Variants in SEPTIN10 observed in about 807,000 individuals in gnomAD.
SEPTIN10 encodes septin-10.
Under a neutral mutation model 54.8 loss-of-function variants are expected in SEPTIN10, and 66 were observed. That is an observed-to-expected ratio of 1.21 (90% CI 0.99 to 1.48). The LOEUF (loss-of-function observed/expected upper bound fraction) is 1.48. SEPTIN10 is among the 40% of genes most tolerant of loss of function. The pLI is 0.00. For missense variants in SEPTIN10, 620 were observed against 545.6 expected (o/e 1.14, Z -1.36); for synonymous variants, 161 against 181.0 (o/e 0.89, Z 0.89).
rs1383088259 is a variant in SEPTIN10 at position 109,544,173 on chromosome 2, A to C, written c.*136T>G. 6.3e-7 allele frequency: 1 copy of C among 1,582,074 alleles called. No homozygotes were observed. Among genetic ancestry groups the C allele is most frequent in the Non-Finnish European group, 8.6e-7 (1 of 1,164,528 alleles). ...CTTGTACTTGAAAGTACTTTTCCAT[A>C]AATATCAGTAACTGTGGCTGTTCAC... On this transcript the variant is annotated 3_prime_UTR_variant, in exon 11 of 11. Coordinates refer to ENST00000397712, the MANE Select transcript of SEPTIN10 (RefSeq NM_144710.5).
At chr2:109,591,204 G>T (rs547862688) in intron 2 of SEPTIN10, among the ~76,000 whole-genome samples, 4 of 152,252 alleles carry the variant, frequency 2.6e-5, no homozygotes, top group African/African-American at 9.6e-5. Context: ...GTTCAAGATG[G>T]TAAGAACTTC....
At chr2:109,568,780 G>A (rs567073381) in intron 5 of SEPTIN10, among the ~76,000 whole-genome samples, 4 of 152,182 alleles carry the variant, frequency 2.6e-5, no homozygotes, top group South Asian at 2.1e-4. Flanking sequence ...TTTGTGCCTC[G>A]TTTCAGGACT....
intron 8 of SEPTIN10, among the ~76,000 whole-genome samples, chr2:109,557,785 AT>A (rs1341768045): frequency 6.6e-6 from 1 of 152,200 alleles, no homozygotes; most frequent in Non-Finnish European, 1.5e-5. Context: ...TTAAATAAAA[AT>A]AAAAACATTT....
At chr2:109,560,427 T>C (rs1038934093) in intron 8 of SEPTIN10, among the ~76,000 whole-genome samples, 2 of 152,172 alleles carry the variant, frequency 1.3e-5, no homozygotes, top group Admixed American at 6.5e-5. Flanking sequence ...CTCTCCTATC[T>C]GCTCCTCCAG....
intron 1 of SEPTIN10, among the ~76,000 whole-genome samples, chr2:109,607,881 A>G (rs1698363197): frequency 6.6e-6 from 1 of 152,192 alleles, no homozygotes; most frequent in African/African-American, 2.4e-5. Context: ...GGAGGTATCT[A>G]TACTTTTATA....
intron 4 of SEPTIN10, among the ~76,000 whole-genome samples, chr2:109,581,620 T>C (rs1558814525): frequency 6.6e-6 from 1 of 152,126 alleles, no homozygotes; most frequent in Admixed American, 6.5e-5. Flanking sequence ...TTCCAACTGA[T>C]CTGTACCATT....
chr2:109,556,025 T>TTCA (rs1486297229), intron 8 of SEPTIN10, among the ~76,000 whole-genome samples: 1 of 152,214 alleles, frequency 6.6e-6, no homozygotes, highest in Non-Finnish European at 1.5e-5. Flanking sequence ...TGAAGCCTCA[T>TTCA]TCATCTCTGT....
intron 1 of SEPTIN10, chr2:109,605,622 T>C (rs915195384): frequency 1.3e-5 from 2 of 152,124 alleles, no homozygotes; most frequent in Non-Finnish European, 1.5e-5. Context: ...CTAAATAATA[T>C]CTGTATAATT....
At chr2:109,606,827 GCA>G (rs1698110702) in intron 1 of SEPTIN10, among the ~76,000 whole-genome samples, 1 of 151,696 alleles carries the variant, frequency 6.6e-6, no homozygotes, top group Non-Finnish European at 1.5e-5. Context: ...CTACAGGCAC[GCA>G]CCACTAGGCA....
chr2:109,557,855 T>TC lies in SEPTIN10; in HGVS notation c.1029-4637_1029-4636insG, dbSNP rs547763683. 2.4e-4 allele frequency among the ~76,000 whole-genome samples: 36 copies of TC among 151,668 alleles called. No homozygotes were observed. In the East Asian group the frequency reaches 6.6e-3, roughly 28 times the overall value. ...GTAGCTTGCTGTCATAATTTTCTTT[T>TC]TTTTTTTTTTTGAGACGGGGTCTCA... On this transcript the variant is annotated intron_variant, in intron 8 of 10. Coordinates refer to ENST00000397712, the MANE Select transcript of SEPTIN10 (RefSeq NM_144710.5).
chr2:109,546,024 C>G (rs778783306), intron 10 of SEPTIN10, 26 bp downstream of exon 10: 1 of 1,543,748 alleles, frequency 6.5e-7, no homozygotes, highest in Non-Finnish European at 8.7e-7. Flanking sequence ...GGCAGGGCTG[C>G]CAGGGAGGGT....
chr2:109,549,658 C>CT (rs1407173064), intron 9 of SEPTIN10, among the ~76,000 whole-genome samples: 1 of 152,096 alleles, frequency 6.6e-6, no homozygotes, highest in Admixed American at 6.5e-5. Context: ...TACGATAGTC[C>CT]CCCCTTTTCC....
chr2:109,593,389 A>G (rs1235628764), intron 1 of SEPTIN10, among the ~76,000 whole-genome samples: 2 of 151,258 alleles, frequency 1.3e-5, no homozygotes, highest in South Asian at 2.1e-4. Context: ...ACTTCCATTT[A>G]CAAGTAGAGA....
In SEPTIN10 at chr2:109,544,129, C is replaced by T. The variant is rs1278749797; in HGVS notation, c.*180G>A. On this transcript the variant is annotated 3_prime_UTR_variant, in exon 11 of 11. Coordinates refer to ENST00000397712, the MANE Select transcript of SEPTIN10 (RefSeq NM_144710.5). ...GATGCTCAACTTGTAGTATCATTCA[C>T]TCTGGCTTATGTATTGACCTTGTAC... The T allele has an allele frequency of 6.5e-7, 1 of 1,531,258 alleles. No individual in the cohort carries two copies. The highest frequency in any genetic ancestry group is 1.4e-5 in the African/African-American group (1 of 72,722). The allele number at this position is 1,531,258 out of a possible 1,614,324, so 94.9% of individuals were successfully genotyped here.
At chr2:109,580,194 A>T (rs1329430192) in intron 4 of SEPTIN10, among the ~76,000 whole-genome samples, 1 of 152,190 alleles carries the variant, frequency 6.6e-6, no homozygotes, top group East Asian at 1.9e-4. Context: ...AAAAAAACTA[A>T]AAGAAAAATA....
chr2:109,580,627 A>G (rs997370861), intron 4 of SEPTIN10, among the ~76,000 whole-genome samples: 1 of 152,344 alleles, frequency 6.6e-6, no homozygotes, highest in Admixed American at 6.5e-5. Flanking sequence ...ATTAACAATG[A>G]AAGAAAGAAA....
intron 2 of SEPTIN10, among the ~76,000 whole-genome samples, chr2:109,589,136 GT>G (rs576601392): frequency 1.3e-5 from 2 of 152,108 alleles, no homozygotes; most frequent in African/African-American, 2.4e-5. Flanking sequence ...TTGTTGGTTT[GT>G]TTTGTTTTTT....
At chr2:109,544,401 A>G (rs1268417079) in intron 10 of SEPTIN10, 77 bp from the exon 11 acceptor site, 9 of 1,502,322 alleles carry the variant, frequency 6.0e-6, no homozygotes, top group South Asian at 1.4e-5. Context: ...TGCATCTAGT[A>G]TATTATAGGA....
intron 1 of SEPTIN10, among the ~76,000 whole-genome samples, chr2:109,597,721 A>G (rs966698484): frequency 6.6e-6 from 1 of 152,248 alleles, no homozygotes; most frequent in African/African-American, 2.4e-5. Context: ...GGTCTACCAT[A>G]TACTTTTTAA....
Sources: gnomAD v4.1 joint callset for allele counts (sites outside exome capture counted in the v4.1 genomes callset) on GRCh38, gnomAD v4.1.1 for gene constraint, MANE v1.5 for transcripts, NCBI Gene and HGNC (gene_info 2026-07-23, HGNC 2026-07-21) for gene names.